SCAF11: variants seen among roughly 807,000 people sequenced by gnomAD.
The protein encoded by SCAF11 is protein SCAF11.
Under a neutral mutation model 140.5 loss-of-function variants are expected in SCAF11, and 47 were observed. The ratio of observed to expected loss-of-function variants is 0.33; its 90% CI spans 0.26 to 0.43. SCAF11 has a LOEUF of 0.43. Ranked by LOEUF, SCAF11 falls within the 20% of genes least tolerant of loss-of-function variation. The pLI is 1.00. For missense variants in SCAF11, 1,645 were observed against 1,705.1 expected (o/e 0.96, Z 0.62); for synonymous variants, 557 against 579.4 (o/e 0.96, Z 0.55).
upstream of SCAF11, among the ~76,000 whole-genome samples, chr12:45,991,558 T>G (rs1946611205): frequency 6.6e-6 from 1 of 152,148 alleles, no homozygotes; most frequent in Non-Finnish European, 1.5e-5. Flanking sequence ...CGAGACCCTG[T>G]CTCAAACAAC....
intron 12 of SCAF11, among the ~76,000 whole-genome samples, chr12:45,923,706 G>A (rs1272113920): frequency 2.0e-5 from 3 of 151,764 alleles, no homozygotes; most frequent in Admixed American, 1.3e-4. Context: ...ATTTAGAGAC[G>A]AAGTCTCACT....
intron 3 of SCAF11, among the ~76,000 whole-genome samples, chr12:45,952,895 T>C (rs1945584840): frequency 6.6e-6 from 1 of 152,222 alleles, no homozygotes; most frequent in Admixed American, 6.5e-5. Flanking sequence ...AATGTGATCT[T>C]TGCCTTTCTG....
intron 1 of SCAF11, among the ~76,000 whole-genome samples, chr12:45,972,968 ATAGATATATAGATATATAG>A (rs1463393291): frequency 5.7e-5 from 8 of 139,282 alleles, no homozygotes; most frequent in African/African-American, 2.2e-4. Flanking sequence ...AGATATATAT[ATAGATATATAGATATATAG>A]ATATAGATAT....
chr12:45,945,199 TA>T, intron 6 of SCAF11, 49 bp downstream of exon 6: 1 of 1,122,852 alleles, frequency 8.9e-7, no homozygotes, highest in East Asian at 2.4e-5. Context: ...ACCATTAAAT[TA>T]AAAAACAACA....
intron 1 of SCAF11, among the ~76,000 whole-genome samples, chr12:45,985,705 A>G (rs948021323): frequency 1.3e-5 from 2 of 152,248 alleles, no homozygotes; most frequent in Admixed American, 6.5e-5. Flanking sequence ...TAAATATCTG[A>G]TAAACATTAG....
At chr12:45,961,460 C>G (rs891668680) in intron 3 of SCAF11, 2 of 597,928 alleles carry the variant, frequency 3.3e-6, no homozygotes, top group Non-Finnish European at 6.0e-6. Flanking sequence ...TCTGTTCTTC[C>G]TATAAGGTTA....
At chr12:45,940,243 G>GA (rs780884255) in intron 6 of SCAF11, among the ~76,000 whole-genome samples, 31 of 150,610 alleles carry the variant, frequency 2.1e-4, no homozygotes, top group East Asian at 3.9e-4. Flanking sequence ...TAACCTGAAG[G>GA]AAAAAAAAAT....
chr12:45,977,836 GAT>G (rs1946268377), intron 1 of SCAF11, among the ~76,000 whole-genome samples: 1 of 152,056 alleles, frequency 6.6e-6, no homozygotes, highest in Admixed American at 6.6e-5. Context: ...AGAGACAACA[GAT>G]ATCTATAACC....
At chr12:45,976,831 G>C (rs1946246179) in intron 1 of SCAF11, among the ~76,000 whole-genome samples, 1 of 151,822 alleles carries the variant, frequency 6.6e-6, no homozygotes, top group Admixed American at 6.6e-5. Flanking sequence ...GCAGAAGGAA[G>C]AAAATAAAGG....
At chr12:45,980,181 C>T (rs921144128) in intron 1 of SCAF11, among the ~76,000 whole-genome samples, 1 of 152,106 alleles carries the variant, frequency 6.6e-6, no homozygotes, top group Non-Finnish European at 1.5e-5. Flanking sequence ...AGCAATTTAC[C>T]AACAAATAAC....
upstream of SCAF11, chr12:45,991,984 G>A (rs532870660): frequency 1.8e-5 from 23 of 1,288,898 alleles, no homozygotes; most frequent in Non-Finnish European, 2.2e-5. Context: ...CCTGACGCCT[G>A]CCCGGGATGA....
chr12:45,965,204 T>TA (rs1358461011), intron 1 of SCAF11, among the ~76,000 whole-genome samples: 5 of 152,134 alleles, frequency 3.3e-5, no homozygotes, highest in African/African-American at 9.7e-5. Flanking sequence ...AAAAGATAGA[T>TA]ACGCCAGCCA....
At chr12:45,932,140 T>A (rs563119462) in intron 9 of SCAF11, among the ~76,000 whole-genome samples, 4 of 152,142 alleles carry the variant, frequency 2.6e-5, no homozygotes, top group African/African-American at 9.6e-5. Context: ...TGTATCCTTC[T>A]CCCTCCTTTC....
chr12:45,922,320 C>T (rs1040456166), intron 14 of SCAF11, 126 bp from the exon 15 acceptor site: 4 of 1,461,526 alleles, frequency 2.7e-6, no homozygotes, highest in African/African-American at 2.9e-5. Context: ...CATTATCTCA[C>T]ACAAACTAAT....
chr12:45,988,897 C>G (rs534868017), intron 1 of SCAF11, among the ~76,000 whole-genome samples: 12 of 152,192 alleles, frequency 7.9e-5, no homozygotes, highest in African/African-American at 2.6e-4. Context: ...AAAAAACTCA[C>G]ATTGCATAAA....
intron 1 of SCAF11, among the ~76,000 whole-genome samples, chr12:45,977,707 C>A (rs1051537222): frequency 6.6e-6 from 1 of 152,126 alleles, no homozygotes; most frequent in Non-Finnish European, 1.5e-5. Context: ...TGTTCCAATT[C>A]TTATAACTAC....
At chr12:45,969,183 G>GT (rs1946017773) in intron 1 of SCAF11, among the ~76,000 whole-genome samples, 1 of 152,192 alleles carries the variant, frequency 6.6e-6, no homozygotes, top group Non-Finnish European at 1.5e-5. Flanking sequence ...CCTGTTTCAA[G>GT]TTATATTTGG....
chr12:45,927,015 G>A lies in SCAF11; in HGVS notation c.2686C>T (p.Pro896Ser). 6.2e-7 allele frequency: 1 copy of A among 1,613,550 alleles called. No individual in the cohort carries two copies. Among genetic ancestry groups the A allele is most frequent in the East Asian group, 2.2e-5 (1 of 44,878 alleles). The change falls in exon 11 of 15, where the codon CCA becomes TCA. Residue 896 changes from proline to serine, a missense_variant. Around this residue, in one of 2 missense-constraint regions of SCAF11, gnomAD observed 1,582 missense variants for 1,609.2 expected, o/e 0.98. Transcript: ENST00000369367. Reference sequence around the variant, plus strand: ...CCTGGGGAAGAATCTTTCACTCTTGGCTGAGATCTTTTGTTCTCTCTAGAA... The same window carrying A: ...CCTGGGGAAGAATCTTTCACTCTTGACTGAGATCTTTTGTTCTCTCTAGAA... ...ETSRENKRSQ[P>S]RVKDSSPGEK...
At chr12:45,925,480 T>G (rs1387063204) in intron 11 of SCAF11, among the ~76,000 whole-genome samples, 2 of 151,892 alleles carry the variant, frequency 1.3e-5, no homozygotes, top group East Asian at 3.9e-4. Flanking sequence ...ACCCAGGAGG[T>G]GGAGGTTGCA....
Sources: gnomAD v4.1 joint callset for allele counts (sites outside exome capture counted in the v4.1 genomes callset) on GRCh38, gnomAD v4.1.1 for gene constraint, gnomAD v4.1.1 regional missense constraint, MANE v1.5 for transcripts, NCBI Gene and HGNC (gene_info 2026-07-23, HGNC 2026-07-21) for gene names.